COL13A1: variants seen among roughly 807,000 people sequenced by gnomAD.
The protein encoded by COL13A1 is collagen type XIII alpha 1 chain.
COL13A1 carries 89 observed loss-of-function variants against 130.9 expected under a neutral mutation model. The observed-to-expected ratio is 0.68, with a 90% CI of 0.57 to 0.81. The LOEUF (loss-of-function observed/expected upper bound fraction) is 0.81. Ranked by LOEUF, COL13A1 falls within the 30% of genes least tolerant of loss-of-function variation. The pLI, the probability that COL13A1 is intolerant of heterozygous loss-of-function variation, is 0.00. For synonymous variants in COL13A1, 402 were observed against 341.6 expected (o/e 1.18, Z -1.95); for missense variants, 879 against 934.6 (o/e 0.94, Z 0.78).
intron 17 of COL13A1, among the ~76,000 whole-genome samples, chr10:69,906,546 C>T (rs973345313): frequency 1.3e-5 from 2 of 152,064 alleles, no homozygotes; most frequent in Non-Finnish European, 2.9e-5. Context: ...TCAAAATGGG[C>T]AGGTCCCAGT....
Position 69,887,437 on chromosome 10 carries a change from CT to C in COL13A1, c.514-17del, listed in dbSNP as rs770004803. 2 of 1,603,798 alleles carry C rather than the reference CT, an allele frequency of 1.2e-6. No individual in the cohort carries two copies. Among genetic ancestry groups the C allele is most frequent in the Non-Finnish European group, 1.7e-6 (2 of 1,174,546 alleles). On this transcript the variant is annotated intron_variant, in intron 7 of 40. Transcript: ENST00000645393. ...CCTCCTTGCTCAATCTCATGTGTCT[CT>C]TGTTTTTTTTTTTTCAGGGTCAACC...
At chr10:69,826,083 T>C (rs1847417298) in intron 2 of COL13A1, among the ~76,000 whole-genome samples, 1 of 152,328 alleles carries the variant, frequency 6.6e-6, no homozygotes, top group South Asian at 2.1e-4. Context: ...TGAGACTTCC[T>C]AGGCCACTTG....
chr10:69,894,454 C>T, intron 10 of COL13A1, 98 bp from the exon 11 acceptor site: 2 of 1,454,404 alleles, frequency 1.4e-6, no homozygotes, highest in Non-Finnish European at 1.9e-6. Flanking sequence ...TGGTAGAGCC[C>T]AGCCTTCGGG....
At chr10:69,819,802 A>G (rs1258678541) in intron 1 of COL13A1, among the ~76,000 whole-genome samples, 1 of 152,160 alleles carries the variant, frequency 6.6e-6, no homozygotes, top group Non-Finnish European at 1.5e-5. Context: ...TCCATGTTAC[A>G]CATTCAAAGT....
At chr10:69,829,439 G>T (rs531108450) in intron 2 of COL13A1, among the ~76,000 whole-genome samples, 28 of 152,336 alleles carry the variant, frequency 1.8e-4, no homozygotes, top group African/African-American at 6.3e-4. Flanking sequence ...CAGGCCCCCT[G>T]GCAGCACTGG....
intron 38 of COL13A1, among the ~76,000 whole-genome samples, chr10:69,948,978 T>C (rs2068963294): frequency 6.6e-6 from 1 of 152,210 alleles, no homozygotes; most frequent in African/African-American, 2.4e-5. Flanking sequence ...AAATTAGGAA[T>C]GTGTCACTTA....
In COL13A1 at chr10:69,889,063, G is replaced by T. The variant is rs543788503; in HGVS notation, c.577-351G>T. 9.2e-5 allele frequency among the ~76,000 whole-genome samples: 14 copies of T among 152,328 alleles called. No individual in the cohort carries two copies. The South Asian group carries it at 2.9e-3, about 32-fold the overall frequency. ...GGCCAGCGAGCTAAGTGCAGCCCAG[G>T]GGTGCCAGCAATCATTTCCACTCAT... On this transcript the variant is annotated intron_variant, in intron 9 of 40. Coordinates refer to ENST00000645393, the MANE Select transcript of COL13A1 (RefSeq NM_001368882.1).
At chr10:69,946,222 G>A (rs375826020) in intron 37 of COL13A1, among the ~76,000 whole-genome samples, 15 of 152,308 alleles carry the variant, frequency 9.8e-5, no homozygotes, top group African/African-American at 3.6e-4. Context: ...TGGGCATTGC[G>A]CTGTGAGAGG....
intron 2 of COL13A1, among the ~76,000 whole-genome samples, chr10:69,847,780 C>G (rs1853561972): frequency 6.6e-6 from 1 of 152,222 alleles, no homozygotes; most frequent in Admixed American, 6.5e-5. Flanking sequence ...CTGATTCACT[C>G]TCTTTCTCCT....
intron 1 of COL13A1, among the ~76,000 whole-genome samples, chr10:69,807,006 C>CA (rs1395529949): frequency 2.6e-5 from 4 of 152,052 alleles, no homozygotes; most frequent in African/African-American, 9.7e-5. Context: ...GACTCCGTCT[C>CA]AAAAAATAAA....
chr10:69,812,222 C>G (rs986328960), intron 1 of COL13A1, among the ~76,000 whole-genome samples: 35 of 152,220 alleles, frequency 2.3e-4, no homozygotes, highest in African/African-American at 8.0e-4. Flanking sequence ...CATGGCTCAC[C>G]TGCCCTTGCT....
At chr10:69,957,256 G>A (rs75422454) in intron 40 of COL13A1, among the ~76,000 whole-genome samples, 2,099 of 152,290 alleles carry the variant, frequency 0.014, 30 homozygotes, top group South Asian at 0.067. Context: ...AACCCTAGGC[G>A]GAATGTCCAT....
chr10:69,940,913 C>G, intron 34 of COL13A1, 75 bp from the exon 35 acceptor site: 1 of 1,601,500 alleles, frequency 6.2e-7, no homozygotes, highest in Non-Finnish European at 8.6e-7. Context: ...CACCTCTTCC[C>G]TCCCCATTGT....
At chr10:69,822,293 G>A (rs996104189) in intron 1 of COL13A1, 76 bp from the exon 2 acceptor site, 94 of 1,187,786 alleles carry the variant, frequency 7.9e-5, no homozygotes, top group Non-Finnish European at 9.7e-5. Flanking sequence ...TGCCCTCCTC[G>A]TCAGCCCACA....
Position 69,937,694 on chromosome 10 carries a change from C to T in COL13A1, c.1857C>T (p.Asp619=), listed in dbSNP as rs768058364. Residue 619 remains aspartate, a synonymous_variant, in exon 34 of 41, where the codon GAC becomes GAT. Coordinates refer to ENST00000645393, the MANE Select transcript of COL13A1 (RefSeq NM_001368882.1). Reference sequence around the variant, plus strand: ...AAGGCTTCCAGGGAGAAAAAGGAGACCGTGGTCCCCTGGGACTACCCGTAA... The same window carrying T: ...AAGGCTTCCAGGGAGAAAAAGGAGATCGTGGTCCCCTGGGACTACCCGTAA... The part of the protein sequence containing the change: ...GEKGFQGEKG[D]RGPLGLPGAS... The T allele has an allele frequency of 1.3e-5, 21 of 1,568,058 alleles. No individual in the cohort carries two copies. The highest frequency in any genetic ancestry group is 1.8e-5 in the Non-Finnish European group (21 of 1,137,936).
chr10:69,870,979 G>A (rs375961871), intron 3 of COL13A1, among the ~76,000 whole-genome samples: 4 of 152,246 alleles, frequency 2.6e-5, no homozygotes, highest in African/African-American at 7.2e-5. Flanking sequence ...AGGGTGGCAC[G>A]ATGTGGATGA....
intron 17 of COL13A1, among the ~76,000 whole-genome samples, chr10:69,906,741 G>GT (rs929716015): frequency 5.0e-4 from 76 of 151,450 alleles, no homozygotes; most frequent in African/African-American, 1.0e-3. Flanking sequence ...TTTTGTTTTT[G>GT]TTTTTTTTGA....
intron 9 of COL13A1, 122 bp from the exon 10 acceptor site, chr10:69,889,292 G>T: frequency 7.9e-7 from 1 of 1,264,576 alleles, no homozygotes. Flanking sequence ...GGAGCACAGG[G>T]GACAGGGAGG....
intron 3 of COL13A1, 78 bp downstream of exon 3, chr10:69,867,883 A>T: frequency 1.4e-6 from 1 of 715,296 alleles, no homozygotes; most frequent in Middle Eastern, 2.5e-4. Flanking sequence ...GGGTGGGGGC[A>T]CTGAAAGCTG....
Sources: gnomAD v4.1 joint callset for allele counts (sites outside exome capture counted in the v4.1 genomes callset) on GRCh38, gnomAD v4.1.1 for gene constraint, MANE v1.5 for transcripts, NCBI Gene and HGNC (gene_info 2026-07-23, HGNC 2026-07-21) for gene names.